The following KDM4C variants were observed in gnomAD, a reference collection of about 807,000 sequenced individuals.
KDM4C encodes the protein lysine demethylase 4C, also known as lysine-specific demethylase 4C.
KDM4C carries 81 observed loss-of-function variants against 129.3 expected under a neutral mutation model. That is an observed-to-expected ratio of 0.63 (90% CI 0.52 to 0.75). The LOEUF (loss-of-function observed/expected upper bound fraction) is 0.75. KDM4C is among the 30% of genes least tolerant of loss of function. The pLI is 0.00. For missense variants in KDM4C, 1,457 were observed against 1,304.0 expected (o/e 1.12, Z -1.81); for synonymous variants, 573 against 456.1 (o/e 1.26, Z -3.26).
At chr9:6,752,332 C>CAAAAAAAAAAA (rs1159747148) in intron 1 of KDM4C, among the ~76,000 whole-genome samples, 2 of 19,258 alleles carry the variant, frequency 1.0e-4, no homozygotes, top group Non-Finnish European at 2.0e-4. Flanking sequence ...AACTCCGTCT[C>CAAAAAAAAAAA]AAAAAAAAAA....
At chr9:6,865,112 A>C (rs371184241) in intron 5 of KDM4C, among the ~76,000 whole-genome samples, 2,022 of 150,428 alleles carry the variant, frequency 0.013, 47 homozygotes, top group African/African-American at 0.045. Flanking sequence ...GGGTTCAAGC[A>C]ATTCTCCTGC....
At chr9:6,750,388 G>A (rs1340393527) in intron 1 of KDM4C, among the ~76,000 whole-genome samples, 1 of 151,212 alleles carries the variant, frequency 6.6e-6, no homozygotes, top group Non-Finnish European at 1.5e-5. Flanking sequence ...GCTGTGAGCC[G>A]AGATCGTGTC....
At chr9:6,768,430 A>G (rs575527549) in intron 1 of KDM4C, among the ~76,000 whole-genome samples, 1 of 151,862 alleles carries the variant, frequency 6.6e-6, no homozygotes, top group Admixed American at 6.6e-5. Context: ...ATTTTTTTAC[A>G]CAAATGGTTG....
Position 7,011,799 on chromosome 9 carries a change from G to A in KDM4C, c.1888G>A (p.Ala630Thr). 1 of 1,614,130 alleles carries A rather than the reference G, an allele frequency of 6.2e-7. No individual in the cohort carries two copies. Among genetic ancestry groups the A allele is most frequent in the Non-Finnish European group, 8.5e-7 (1 of 1,179,990 alleles). Residue 630 changes from alanine (A) to threonine (T), a missense_variant, in exon 13 of 22, where the codon GCT becomes ACT. Transcript: ENST00000381309. Reference sequence around the variant, plus strand: ...GCAGACGAAGTCCCCTAACTTCGCAGCTGAGCAAGAGTATAATGCAACAGT... The same window carrying A: ...GCAGACGAAGTCCCCTAACTTCGCAACTGAGCAAGAGTATAATGCAACAGT... ...LWQTKSPNFA[A>T]EQEYNATVAR...
upstream of KDM4C, chr9:6,757,534 C>A (rs946002179): frequency 1.2e-5 from 9 of 723,504 alleles, no homozygotes; most frequent in African/African-American, 7.7e-5. Context: ...GAACACAGCG[C>A]TGTCATCGCC....
intron 1 of KDM4C, among the ~76,000 whole-genome samples, chr9:6,746,717 GA>G (rs1817887785): frequency 6.7e-6 from 1 of 149,946 alleles, no homozygotes; most frequent in East Asian, 2.0e-4. Context: ...TCGTCTCTAA[GA>G]AAAAAACAGG....
intron 8 of KDM4C, chr9:6,925,054 ATT>A: frequency 1.0e-6 from 1 of 985,370 alleles, no homozygotes. Context: ...AAGAATGAAC[ATT>A]CAACGAAACA....
chr9:7,052,870 A>AGAGAGAGAGAGAGAGAGAGG (rs1830347783), intron 17 of KDM4C, among the ~76,000 whole-genome samples: 2 of 21,832 alleles, frequency 9.2e-5, no homozygotes, highest in Non-Finnish European at 1.8e-4. Flanking sequence ...CTGCAGAGAG[A>AGAGAGAGAGAGAGAGAGAGG]GAGAGAGAGA....
intron 1 of KDM4C, among the ~76,000 whole-genome samples, chr9:6,770,008 C>G (rs572621426): frequency 1.1e-4 from 16 of 152,144 alleles, no homozygotes; most frequent in Admixed American, 2.6e-4. Context: ...TGAGGAAACC[C>G]TCTCTGCTAG....
intron 19 of KDM4C, among the ~76,000 whole-genome samples, chr9:7,139,342 C>T (rs1253893867): frequency 6.6e-6 from 1 of 152,152 alleles, no homozygotes; most frequent in Non-Finnish European, 1.5e-5. Context: ...TCATTCTTTT[C>T]CCCTGAGTAA....
At chr9:6,746,897 T>A (rs1392936301) in intron 1 of KDM4C, among the ~76,000 whole-genome samples, 1 of 145,270 alleles carries the variant, frequency 6.9e-6, no homozygotes, top group African/African-American at 2.6e-5. Flanking sequence ...TCCCAGCTAC[T>A]CGGGAGGCTG....
At chr9:7,162,809 C>T (rs1843940314) in intron 19 of KDM4C, among the ~76,000 whole-genome samples, 5 of 152,088 alleles carry the variant, frequency 3.3e-5, no homozygotes, top group Admixed American at 3.3e-4. Context: ...GTGCAGGGTA[C>T]AGCCTCATGT....
chr9:6,890,114 G>C (rs1254873558), intron 7 of KDM4C, among the ~76,000 whole-genome samples: 2 of 152,184 alleles, frequency 1.3e-5, no homozygotes, highest in African/African-American at 2.4e-5. Flanking sequence ...CACAGGGCCT[G>C]TCATGACACT....
chr9:7,066,615 A>G (rs1832457476), intron 17 of KDM4C, among the ~76,000 whole-genome samples: 3 of 152,222 alleles, frequency 2.0e-5, no homozygotes, highest in African/African-American at 4.8e-5. Context: ...TTATAGTGGT[A>G]TTTGTTAACA....
Position 7,174,633 on chromosome 9 carries a change from G to A in KDM4C, c.3075G>A (p.Val1025=). The A allele has an allele frequency of 6.2e-7, 1 of 1,614,148 alleles. No homozygotes were observed. The highest frequency in any genetic ancestry group is 8.5e-7 in the Non-Finnish European group (1 of 1,179,950). The part of the protein sequence containing the change: ...IIQGERKRQR[V]LSSRFKNEYV... ...AAGGGGAGAGAAAGAGACAAAGAGTGCTGAGCTCCAGGTTTAAGAATGAAT... is the reference window on the plus strand; with the variant it reads ...AAGGGGAGAGAAAGAGACAAAGAGTACTGAGCTCCAGGTTTAAGAATGAAT... The change falls in exon 22 of 22, where the codon GTG becomes GTA. Residue 1025 remains valine, a synonymous_variant. Transcript: ENST00000381309.
intron 1 of KDM4C, among the ~76,000 whole-genome samples, chr9:6,732,767 CT>C (rs1817394594): frequency 6.6e-6 from 1 of 151,808 alleles, no homozygotes; most frequent in African/African-American, 2.4e-5. Context: ...AACTGCAGCA[CT>C]TTGGGAGGCC....
chr9:6,753,979 A>G (rs1249802220), upstream of KDM4C, among the ~76,000 whole-genome samples: 2 of 137,212 alleles, frequency 1.5e-5, no homozygotes, highest in Non-Finnish European at 3.0e-5. Context: ...GGTTCATGCC[A>G]TTCTCCTGCC....
intron 8 of KDM4C, among the ~76,000 whole-genome samples, chr9:6,961,523 A>G (rs993957476): frequency 6.6e-6 from 1 of 152,216 alleles, no homozygotes. Flanking sequence ...CATTGTAACT[A>G]TTTCTCATCA....
intron 15 of KDM4C, among the ~76,000 whole-genome samples, chr9:7,026,159 C>T (rs771697839): frequency 4.0e-5 from 6 of 151,200 alleles, no homozygotes; most frequent in Non-Finnish European, 8.8e-5. Context: ...GAGCCGAGAT[C>T]GCACCGCTGT....
Sources: gnomAD v4.1 joint callset for allele counts (sites outside exome capture counted in the v4.1 genomes callset) on GRCh38, gnomAD v4.1.1 for gene constraint, MANE v1.5 for transcripts, NCBI Gene and HGNC (gene_info 2026-07-23, HGNC 2026-07-21) for gene names.